Variants in AKAP19 observed in about 807,000 individuals in gnomAD.
AKAP19 encodes A-kinase anchoring protein 19.
At chr2:189,931,933 A>G in the AKAP19 span, among the ~76,000 whole-genome samples, 1 of 152,118 alleles carries the variant, frequency 6.6e-6, no homozygotes, top group Non-Finnish European at 1.5e-5. Flanking sequence ...AATATTATTA[A>G]CTGATTTACA....
At chr2:190,130,573 A>T in the AKAP19 span, among the ~76,000 whole-genome samples, 3 of 152,228 alleles carry the variant, frequency 2.0e-5, no homozygotes, top group Non-Finnish European at 4.4e-5. Flanking sequence ...GGTAAGATTC[A>T]ACTACCTCAT....
At chr2:190,087,306 C>T in the AKAP19 span, among the ~76,000 whole-genome samples, 1 of 152,118 alleles carries the variant, frequency 6.6e-6, no homozygotes, top group South Asian at 2.1e-4. Flanking sequence ...TGAGACTAGC[C>T]AGATCATAGT....
At chr2:190,178,099 TTTGAGGAGTTC>T in the AKAP19 span, among the ~76,000 whole-genome samples, 2 of 152,106 alleles carry the variant, frequency 1.3e-5, no homozygotes, top group African/African-American at 4.8e-5. The surrounding 1 kb of genome is among the most constrained non-coding windows in gnomAD (Gnocchi z 6.3). Flanking sequence ...CCACCACCAG[TTTGAGGAGTTC>T]TTGGTTCCTG....
At chr2:189,956,391 G>T in the AKAP19 span, among the ~76,000 whole-genome samples, 1 of 151,084 alleles carries the variant, frequency 6.6e-6, no homozygotes, top group African/African-American at 2.4e-5. Context: ...GGATGGTCTC[G>T]ATCTCCTGAC....
At chr2:189,903,484 G>A in the AKAP19 span, among the ~76,000 whole-genome samples, 2 of 151,696 alleles carry the variant, frequency 1.3e-5, no homozygotes, top group Non-Finnish European at 2.9e-5. Context: ...ATTATATTTA[G>A]TTTTTGTAGA....
At chr2:190,137,185 G>C in the AKAP19 span, among the ~76,000 whole-genome samples, 1 of 152,092 alleles carries the variant, frequency 6.6e-6, no homozygotes, top group Non-Finnish European at 1.5e-5. Context: ...TGCAGAAAAT[G>C]GTTGAGTCTA....
chr2:189,902,902 A>T, the AKAP19 span, among the ~76,000 whole-genome samples: 12 of 152,040 alleles, frequency 7.9e-5, no homozygotes, highest in Non-Finnish European at 1.3e-4. Flanking sequence ...CATTAAATAA[A>T]GTAAGTCTTT....
At chr2:190,068,761 G>T in the AKAP19 span, among the ~76,000 whole-genome samples, 3,715 of 152,216 alleles carry the variant, frequency 0.024, 164 homozygotes, top group East Asian at 0.18. Context: ...TAAGTGAAAG[G>T]GTTTTTAGTT....
At chr2:190,072,355 C>G in the AKAP19 span, among the ~76,000 whole-genome samples, 1,215 of 152,102 alleles carry the variant, frequency 8.0e-3, 16 homozygotes, top group Non-Finnish European at 8.4e-3. Flanking sequence ...ACCCCAAAAC[C>G]TCAGCATCAC....
the AKAP19 span, among the ~76,000 whole-genome samples, chr2:190,068,886 G>A: frequency 3.3e-5 from 5 of 152,222 alleles, no homozygotes; most frequent in East Asian, 1.9e-4. Context: ...CTCCAGTGGA[G>A]CACTGAGCAC....
At chr2:189,939,580 G>A in the AKAP19 span, among the ~76,000 whole-genome samples, 1 of 152,166 alleles carries the variant, frequency 6.6e-6, no homozygotes, top group African/African-American at 2.4e-5. Flanking sequence ...CAAGGAACCA[G>A]TGACTGACTT....
the AKAP19 span, among the ~76,000 whole-genome samples, chr2:189,984,384 T>C: frequency 6.6e-6 from 1 of 152,174 alleles, no homozygotes; most frequent in Non-Finnish European, 1.5e-5. Context: ...CCCATTTGCT[T>C]TTGAAAGAAG....
the AKAP19 span, among the ~76,000 whole-genome samples, chr2:190,015,419 G>A: frequency 1.3e-5 from 2 of 152,146 alleles, no homozygotes; most frequent in East Asian, 1.9e-4. Flanking sequence ...CCATGGTTGG[G>A]ATGCAGGGTG....
chr2:190,166,298 TAA>T, the AKAP19 span, among the ~76,000 whole-genome samples: 1 of 95,708 alleles, frequency 1.0e-5, no homozygotes, highest in Non-Finnish European at 2.1e-5. Context: ...GTGAAGGAAT[TAA>T]AAAAAAAAAA....
the AKAP19 span, among the ~76,000 whole-genome samples, chr2:190,119,371 G>A: frequency 1.3e-5 from 2 of 152,204 alleles, no homozygotes; most frequent in Non-Finnish European, 2.9e-5. Context: ...GATTTGCATA[G>A]GGCTCAGGGG....
chr2:189,920,088 C>T, the AKAP19 span, among the ~76,000 whole-genome samples: 1 of 152,222 alleles, frequency 6.6e-6, no homozygotes, highest in Non-Finnish European at 1.5e-5. Flanking sequence ...TCTACCATTT[C>T]TATGCCCTCA....
At chr2:190,133,208 A>C in the AKAP19 span, among the ~76,000 whole-genome samples, 1 of 135,154 alleles carries the variant, frequency 7.4e-6, no homozygotes, top group Non-Finnish European at 1.5e-5. Flanking sequence ...ACTGCACTCC[A>C]GCCTGGGAGA....
chr2:190,174,858 G>A, the AKAP19 span, among the ~76,000 whole-genome samples: 2 of 152,116 alleles, frequency 1.3e-5, no homozygotes, highest in East Asian at 1.9e-4. Flanking sequence ...TGGATTCATG[G>A]GCCCAAGCAG....
chr2:190,174,262 A>G, the AKAP19 span, among the ~76,000 whole-genome samples: 2 of 152,184 alleles, frequency 1.3e-5, no homozygotes, highest in Non-Finnish European at 2.9e-5. Context: ...CTTGCTGAGA[A>G]AACTTTTGCC....
Sources: allele counts gnomAD v4.1 joint callset (sites outside exome capture counted in the v4.1 genomes callset), GRCh38; gene constraint gnomAD v4.1.1; non-coding constraint Gnocchi (gnomAD v3.1); transcripts MANE v1.5; gene names NCBI Gene and HGNC (gene_info 2026-07-23, HGNC 2026-07-21).